Variants in CPS1 observed in about 807,000 individuals in gnomAD.
CPS1 encodes carbamoyl-phosphate synthase [ammonia], mitochondrial.
Under a neutral mutation model 174.6 loss-of-function variants are expected in CPS1, and 109 were observed. The observed-to-expected ratio is 0.62, with a 90% CI of 0.53 to 0.73. The LOEUF (loss-of-function observed/expected upper bound fraction) is 0.73, where lower values mean the gene tolerates loss of function less well. CPS1 is among the 30% of genes least tolerant of loss of function. The pLI, the probability that CPS1 is intolerant of heterozygous loss-of-function variation, is 0.00. For synonymous variants in CPS1, 637 were observed against 632.0 expected (o/e 1.01, Z -0.12); for missense variants, 1,689 against 1,821.9 (o/e 0.93, Z 1.33).
intron 1 of CPS1, among the ~76,000 whole-genome samples, chr2:210,507,591 TAA>T (rs1352305659): frequency 2.0e-5 from 3 of 151,276 alleles, no homozygotes; most frequent in African/African-American, 7.3e-5. Flanking sequence ...GCAAATTGGA[TAA>T]AGAGTCAAGA....
At chr2:210,607,296 C>T (rs1481210788) in intron 18 of CPS1, among the ~76,000 whole-genome samples, 2 of 151,808 alleles carry the variant, frequency 1.3e-5, no homozygotes, top group Non-Finnish European at 2.9e-5. Context: ...GGTGTATAGC[C>T]CTATAGCAAA....
Position 210,677,934 on chromosome 2 carries a change from C to G in CPS1, c.4452C>G (p.Asp1484Glu). The G allele has an allele frequency of 6.2e-7, 1 of 1,614,074 alleles. No homozygotes were observed. The highest frequency in any genetic ancestry group is 1.6e-4 in the Middle Eastern group (1 of 6,062). The change falls in exon 38 of 38, where the codon GAC becomes GAG. Residue 1484 changes from aspartate (D) to glutamate (E), a missense_variant. Physicochemically the swap from Asp to Glu is conservative, Grantham distance 45. Transcript: ENST00000233072. ...AEAVQKSRKV[D>E]SKSLFHYRQY... ...CTGTGCAGAAATCTCGCAAGGTGGA[C>G]TCCAAGAGTCTTTTCCACTACAGGC...
At chr2:210,484,160 G>C (rs1694652897) in intron 1 of CPS1, among the ~76,000 whole-genome samples, 1 of 152,176 alleles carries the variant, frequency 6.6e-6, no homozygotes, top group South Asian at 2.1e-4. Context: ...TTCATAGAAG[G>C]TGACATCTGA....
At chr2:210,653,932 C>G in intron 28 of CPS1, 93 bp from the exon 29 acceptor site, 1 of 987,704 alleles carries the variant, frequency 1.0e-6, no homozygotes, top group South Asian at 1.3e-5. Context: ...AAGTATTGCC[C>G]TGATACTTAT....
At position 210,599,100 on chromosome 2, in the gene CPS1, G is replaced by A. The variant is rs192821953; in HGVS notation, c.1360-272G>A. 3.3e-4 allele frequency among the ~76,000 whole-genome samples: 50 copies of A among 151,860 alleles called. No homozygotes were observed. In the East Asian group the frequency reaches 9.6e-3, roughly 29 times the overall value. On this transcript the variant is annotated intron_variant, in intron 13 of 37. Coordinates refer to ENST00000233072, the MANE Select transcript of CPS1 (RefSeq NM_001875.5). ...CTCTCTAGACCAATTATATAGAAAT[G>A]GTCTCCAGCTTTGCCAACAGTGGCA...
At chr2:210,662,115 C>T (rs530421422) in intron 32 of CPS1, among the ~76,000 whole-genome samples, 1 of 151,948 alleles carries the variant, frequency 6.6e-6, no homozygotes, top group East Asian at 2.0e-4. Flanking sequence ...GGGGTTTTGC[C>T]ATGTTGGCAA....
intron 27 of CPS1, among the ~76,000 whole-genome samples, chr2:210,650,075 G>T (rs1700511467): frequency 6.6e-6 from 1 of 152,122 alleles, no homozygotes. Flanking sequence ...AATCAGAAAG[G>T]GCAAACTTTG....
chr2:210,604,035 T>C (rs1698817604), intron 16 of CPS1, among the ~76,000 whole-genome samples: 1 of 151,928 alleles, frequency 6.6e-6, no homozygotes, highest in Non-Finnish European at 1.5e-5. Flanking sequence ...ATTTATACCC[T>C]TTGTTTCCTA....
intron 21 of CPS1, among the ~76,000 whole-genome samples, chr2:210,634,368 T>C (rs1279412266): frequency 6.6e-6 from 1 of 152,148 alleles, no homozygotes; most frequent in East Asian, 1.9e-4. Flanking sequence ...AGGCGGAGCT[T>C]GCAGTGAGCC....
At position 210,502,381 on chromosome 2, in the gene CPS1, T is replaced by A. The variant is rs574998067; in HGVS notation, c.3+24615T>A. On this transcript the variant is annotated intron_variant, in intron 1 of 38. Coordinates refer to the CPS1 transcript ENST00000430249. ...TCTCTCTCTCTCTATATATATATAT[T>A]TTTTTATATATATGTATATTTTATA... 4.1e-3 allele frequency among the ~76,000 whole-genome samples: 597 copies of A among 146,106 alleles called. 4 individuals carry two copies. The highest frequency in any genetic ancestry group is 9.5e-3 in the Admixed American group (139 of 14,562).
chr2:210,644,136 A>C (rs1309775320), intron 25 of CPS1, among the ~76,000 whole-genome samples: 2 of 152,164 alleles, frequency 1.3e-5, no homozygotes, highest in Non-Finnish European at 2.9e-5. Flanking sequence ...GGATACAATT[A>C]TACATGGCTA....
At chr2:210,512,736 T>TTATATATATATA (rs71043996) in intron 1 of CPS1, among the ~76,000 whole-genome samples, 5 of 46,744 alleles carry the variant, frequency 1.1e-4, no homozygotes, top group Non-Finnish European at 1.1e-4. Flanking sequence ...TCCAGTAGTT[T>TTATATATATATA]TATATATATA....
chr2:210,622,658 A>C (rs149420452), intron 21 of CPS1, among the ~76,000 whole-genome samples: 44 of 151,632 alleles, frequency 2.9e-4, no homozygotes, highest in Middle Eastern at 6.8e-3. Context: ...TTCAACTATA[A>C]TAGAACTTGT....
intron 1 of CPS1, among the ~76,000 whole-genome samples, chr2:210,495,335 T>G (rs1184368640): frequency 2.0e-5 from 3 of 152,140 alleles, no homozygotes; most frequent in Non-Finnish European, 4.4e-5. Flanking sequence ...TGCGGCATGC[T>G]TCGAGAACTG....
intron 31 of CPS1, among the ~76,000 whole-genome samples, chr2:210,659,205 T>C (rs1446041406): frequency 2.0e-5 from 3 of 152,074 alleles, no homozygotes; most frequent in Non-Finnish European, 4.4e-5. Flanking sequence ...AGAAAAGGGG[T>C]TTACTTGGCT....
At chr2:210,617,351 A>T (rs1699345037) in intron 21 of CPS1, among the ~76,000 whole-genome samples, 1 of 152,028 alleles carries the variant, frequency 6.6e-6, no homozygotes, top group Non-Finnish European at 1.5e-5. Context: ...TATTGGAAAG[A>T]CGTCTTACCT....
At chr2:210,542,617 T>A (rs988220676) in intron 1 of CPS1, among the ~76,000 whole-genome samples, 1 of 152,086 alleles carries the variant, frequency 6.6e-6, no homozygotes, top group African/African-American at 2.4e-5. Flanking sequence ...CTCAAAGTCT[T>A]CATTTTTTGG....
At chr2:210,496,630 T>C (rs938888241) in intron 1 of CPS1, among the ~76,000 whole-genome samples, 6 of 152,146 alleles carry the variant, frequency 3.9e-5, no homozygotes, top group Admixed American at 3.9e-4. Flanking sequence ...CAGAGGATAC[T>C]GAATAGAGAA....
At chr2:210,512,077 C>G (rs947478120) in intron 1 of CPS1, among the ~76,000 whole-genome samples, 1 of 152,068 alleles carries the variant, frequency 6.6e-6, no homozygotes, top group Non-Finnish European at 1.5e-5. Flanking sequence ...TTCCCTAGCC[C>G]TCTTCATTTT....
Sources: gnomAD v4.1 joint callset for allele counts (sites outside exome capture counted in the v4.1 genomes callset) on GRCh38, gnomAD v4.1.1 for gene constraint, MANE v1.5 for transcripts, NCBI Gene and HGNC (gene_info 2026-07-23, HGNC 2026-07-21) for gene names.